Variants in DNAH7 observed in about 807,000 individuals in gnomAD.
DNAH7 encodes the protein axonemal beta dynein heavy chain 7.
DNAH7 carries 397 observed loss-of-function variants against 444.6 expected under a neutral mutation model. That is an observed-to-expected ratio of 0.89 (90% CI 0.82 to 0.97). The LOEUF is 0.97. DNAH7 is among the 50% of genes least tolerant of loss of function. The pLI is 0.00. For missense variants in DNAH7, 4,902 were observed against 4,800.8 expected (o/e 1.02, Z -0.62); for synonymous variants, 1,636 against 1,624.4 (o/e 1.01, Z -0.17).
chr2:195,910,033 G>A lies in DNAH7; in HGVS notation c.4098C>T (p.Phe1366=), dbSNP rs1010941548. 2.5e-6 allele frequency: 4 copies of A among 1,611,456 alleles called. No homozygotes were observed. The highest frequency in any genetic ancestry group is 3.4e-6 in the Non-Finnish European group (4 of 1,178,700). The change falls in exon 25 of 65, where the codon TTC becomes TTT. Residue 1366 remains phenylalanine, a synonymous_variant. Transcript: ENST00000312428. ...ATGAGGAGTTAATTCAAACCTTAAA[G>A]AATTTTCCCAAAGCCAAATAATCCA... is the stretch of plus-strand genomic sequence containing the variant. ...DGLDYLALGK[F]FKGLLSCGAW...
At chr2:195,975,910 G>A (rs749501185) in intron 15 of DNAH7, among the ~76,000 whole-genome samples, 2 of 152,166 alleles carry the variant, frequency 1.3e-5, no homozygotes, top group Non-Finnish European at 2.9e-5. Flanking sequence ...ATCAGGAGCA[G>A]TAGCCAGTTA....
At chr2:195,745,025 G>A (rs910023434) in intron 63 of DNAH7, among the ~76,000 whole-genome samples, 3 of 152,366 alleles carry the variant, frequency 2.0e-5, no homozygotes, top group Non-Finnish European at 2.9e-5. Flanking sequence ...GACGAGCTGA[G>A]AGAAGAAGGC....
At chr2:195,747,821 C>A (rs940759091) in intron 63 of DNAH7, among the ~76,000 whole-genome samples, 2 of 152,104 alleles carry the variant, frequency 1.3e-5, no homozygotes, top group Admixed American at 6.6e-5. Flanking sequence ...AATTAGGTAT[C>A]GATGGGACAT....
intron 15 of DNAH7, among the ~76,000 whole-genome samples, chr2:195,973,446 C>T (rs1050244545): frequency 1.3e-4 from 19 of 151,958 alleles, no homozygotes; most frequent in Admixed American, 6.6e-5. Flanking sequence ...TGGACCTATA[C>T]AGTTTTTTTT....
Position 196,028,019 on chromosome 2 carries a change from C to T in DNAH7, c.427G>A (p.Val143Ile), listed in dbSNP as rs1559349369. 6.2e-7 allele frequency: 1 copy of T among 1,610,196 alleles called. No homozygotes were observed. ...TTTGGAATTGTGCTTCCATCAGGGA[C>T]AGCTGAGTCTAAGTCAGCATCTTGT... is the stretch of plus-strand genomic sequence containing the variant. Reference protein sequence around the residue: ...MQQDADLDSAVPDGSTIPKPT... With the variant: ...MQQDADLDSAIPDGSTIPKPT... Residue 143 changes from valine to isoleucine, a missense_variant, in exon 6 of 65, where the codon GTC becomes ATC. Val to Ile is a conservative substitution (Grantham distance 29). Coordinates refer to ENST00000312428, the MANE Select transcript of DNAH7 (RefSeq NM_018897.3).
chr2:195,858,642 C>A lies in DNAH7; in HGVS notation c.7899G>T (p.Glu2633Asp), dbSNP rs773568989. Residue 2633 changes from glutamate (E) to aspartate (D), a missense_variant, in exon 43 of 65, where the codon GAG (glutamate) becomes GAT (aspartate). Physicochemically the swap from Glu to Asp is conservative, Grantham distance 45 (BLOSUM62 2). Transcript: ENST00000312428. ...VDEMMIMIEK[E>D]SVEVAKTEKI... ...TTTCAGTTTTGGCAACTTCTACAGA[C>A]TCTTTCTCAATCATTATCATCATTT... 2 of 1,613,936 alleles carry A rather than the reference C, an allele frequency of 1.2e-6. No homozygotes were observed. The highest frequency in any genetic ancestry group is 1.7e-6 in the Non-Finnish European group (2 of 1,179,962).
intron 44 of DNAH7, 93 bp downstream of exon 44, chr2:195,857,282 CCT>C (rs1699766840): frequency 9.3e-7 from 1 of 1,080,216 alleles, no homozygotes; most frequent in African/African-American, 1.6e-5. Context: ...TTCCAAGGAG[CCT>C]CTCACTTACA....
intron 61 of DNAH7, among the ~76,000 whole-genome samples, chr2:195,770,965 G>A (rs1694808378): frequency 6.6e-6 from 1 of 151,114 alleles, no homozygotes; most frequent in Non-Finnish European, 1.5e-5. Context: ...CAAAGTGCTA[G>A]GATTACAGGC....
At position 195,915,660 on chromosome 2, in the gene DNAH7, G is replaced by A. The variant is rs377279080; in HGVS notation, c.3936-5465C>T. Among the ~76,000 whole-genome samples, 70 of 152,212 alleles carry A rather than the reference G, an allele frequency of 4.6e-4. 2 individuals are homozygous for A. Among genetic ancestry groups the A allele is most frequent in the African/African-American group, 1.7e-3 (69 of 41,526 alleles). On this transcript the variant is annotated intron_variant, in intron 24 of 64. Coordinates refer to ENST00000312428, the MANE Select transcript of DNAH7 (RefSeq NM_018897.3). ...ACTCCATCCATATTGTACTTAGGAG[G>A]TCAAATCCTGACATAAATGGGACCC...
At position 195,847,954 on chromosome 2, in the gene DNAH7, G is replaced by C. The variant is rs183988884; in HGVS notation, c.8782-2789C>G. Among the ~76,000 whole-genome samples the C allele has an allele frequency of 2.1e-3, 316 of 152,278 alleles. 1 individual carries two copies. The highest frequency in any genetic ancestry group is 7.1e-3 in the African/African-American group (296 of 41,560). On this transcript the variant is annotated intron_variant, in intron 46 of 64. Transcript: ENST00000312428. ...CGGGCGGTACTACAAGCCAAGGTTC[G>C]TGTTCAGAAAGTCAGAAGTCAGTAT... is the stretch of plus-strand genomic sequence containing the variant.
At chr2:195,871,468 T>C (rs935991388) in intron 40 of DNAH7, among the ~76,000 whole-genome samples, 26 of 152,122 alleles carry the variant, frequency 1.7e-4, no homozygotes, top group Non-Finnish European at 2.1e-4. Context: ...CCACTTCTTA[T>C]AAGAAAATGC....
rs781369713 is a variant in DNAH7, at chr2:195,960,694, A to G, written c.2457T>C (p.Tyr819=). 2 of 1,614,236 alleles carry G rather than the reference A, an allele frequency of 1.2e-6. No homozygotes were observed. Among genetic ancestry groups the G allele is most frequent in the South Asian group, 2.2e-5 (2 of 91,082 alleles). Residue 819 remains tyrosine (Y), a synonymous_variant, in exon 18 of 65, where the codon TAT becomes TAC. Coordinates refer to ENST00000312428, the MANE Select transcript of DNAH7 (RefSeq NM_018897.3). ...TTACTTTTTTTGTCATTGCCAATGC[A>G]TATGGAGAATCATGAAAGGTTTTCT... The part of the protein sequence containing the change: ...KLEKTFHDSP[Y]ALAMTKKVRS...
intron 19 of DNAH7, among the ~76,000 whole-genome samples, chr2:195,938,489 T>C (rs1312206603): frequency 6.6e-6 from 1 of 151,160 alleles, no homozygotes; most frequent in Non-Finnish European, 1.5e-5. Flanking sequence ...TGTATTTGTT[T>C]GGGGAAAAAA....
chr2:195,888,470 A>C, intron 32 of DNAH7, 36 bp from the exon 33 acceptor site: 1 of 1,547,520 alleles, frequency 6.5e-7, no homozygotes, highest in African/African-American at 1.4e-5. Context: ...CAAGGTAATA[A>C]TGCTTATAAA....
In DNAH7 at chr2:195,855,819, C is replaced by A; in HGVS notation, c.8587G>T (p.Glu2863Ter). 1 of 1,612,548 alleles carries A rather than the reference C, an allele frequency of 6.2e-7. No homozygotes were observed. The change falls in exon 45 of 65, where the codon GAA (glutamate) becomes TAA (stop). Residue 2863 changes from glutamate (E) to a stop codon, truncating the protein, a stop_gained. Coordinates refer to ENST00000312428, the MANE Select transcript of DNAH7 (RefSeq NM_018897.3). LOFTEE classifies it high-confidence loss of function. ...TCTATATCAGCACACACCTGGTTTT[C>A]CAGGTCAGCCTTCTTTTGTTTATTT... The part of the protein sequence containing the change: ...ELNKQKKADL[E>*]NQVDLCSKKL...
At chr2:195,785,331 CTGTG>C (rs140652995) in intron 58 of DNAH7, among the ~76,000 whole-genome samples, 5 of 151,846 alleles carry the variant, frequency 3.3e-5, no homozygotes, top group South Asian at 2.1e-4. Context: ...CTCAGTCTGT[CTGTG>C]TGTGTGTGTG....
intron 63 of DNAH7, among the ~76,000 whole-genome samples, chr2:195,741,834 G>A (rs965818564): frequency 1.3e-5 from 2 of 152,172 alleles, no homozygotes; most frequent in East Asian, 3.8e-4. Flanking sequence ...GTGTTGTCCT[G>A]TATGGTAGCC....
chr2:195,875,368 T>G (rs1200585118), intron 38 of DNAH7, among the ~76,000 whole-genome samples: 1 of 151,214 alleles, frequency 6.6e-6, no homozygotes, highest in African/African-American at 2.4e-5. Context: ...TTCCAGAAGG[T>G]GGGAGAAAAA....
intron 15 of DNAH7, among the ~76,000 whole-genome samples, chr2:195,982,970 A>G (rs1019450738): frequency 4.1e-4 from 63 of 152,322 alleles, no homozygotes; most frequent in African/African-American, 1.4e-3. Context: ...TGAAATAGCT[A>G]AAAGTATGTA....
Sources: gnomAD v4.1 joint callset for allele counts (sites outside exome capture counted in the v4.1 genomes callset) on GRCh38, gnomAD v4.1.1 for gene constraint, MANE v1.5 for transcripts, NCBI Gene and HGNC (gene_info 2026-07-23, HGNC 2026-07-21) for gene names.